Variants in BTNL8 observed in about 807,000 individuals in gnomAD.
BTNL8 encodes butyrophilin-like protein 8.
A neutral mutation model predicts 36.1 loss-of-function variants in BTNL8; 22 were observed. The ratio of observed to expected loss-of-function variants is 0.61; its 90% CI spans 0.44 to 0.87. BTNL8 has a LOEUF of 0.87. BTNL8 is among the 40% of genes least tolerant of loss of function. The pLI is 0.00. For synonymous variants in BTNL8, 203 were observed against 235.6 expected, an observed-to-expected ratio of 0.86 and a Z score of 1.27; for missense variants, 526 against 616.9, an observed-to-expected ratio of 0.85 and a Z score of 1.56.
intron 1 of BTNL8, among the ~76,000 whole-genome samples, chr5:180,904,178 G>T (rs1384014144): frequency 7.8e-6 from 1 of 128,474 alleles, no homozygotes; most frequent in Non-Finnish European, 1.7e-5. Context: ...TCTTCCATTT[G>T]TTTGTATCCT....
chr5:180,907,796 C>A lies in BTNL8; in HGVS notation c.50-790C>A, dbSNP rs924085131. ...CCCTGCCGTGTGAGGTGTCAGTGTGCCCCTGCTGGGGGGTGCCTCCCAGTT... is the reference window on the plus strand; with the variant it reads ...CCCTGCCGTGTGAGGTGTCAGTGTGACCCTGCTGGGGGGTGCCTCCCAGTT... On this transcript the variant is annotated intron_variant, in intron 1 of 7. Coordinates refer to ENST00000340184, the MANE Select transcript of BTNL8 (RefSeq NM_001040462.3). Among the ~76,000 whole-genome samples, 30 of 151,636 alleles carry A rather than the reference C, an allele frequency of 2.0e-4. No homozygotes were observed. In the East Asian group the frequency reaches 5.3e-3, roughly 27 times the overall value.
intron 3 of BTNL8, among the ~76,000 whole-genome samples, chr5:180,931,631 C>A (rs550134878): frequency 6.6e-6 from 1 of 151,944 alleles, no homozygotes; most frequent in African/African-American, 2.4e-5. Flanking sequence ...CAAACAATGC[C>A]ATCGAAAAGT....
At chr5:180,930,813 G>A (rs1366845199) in intron 3 of BTNL8, among the ~76,000 whole-genome samples, 1 of 152,090 alleles carries the variant, frequency 6.6e-6, no homozygotes, top group Non-Finnish European at 1.5e-5. Context: ...AATAAGAGAG[G>A]ACACAAACAA....
At chr5:180,925,584 A>T (rs550980087) in intron 3 of BTNL8, among the ~76,000 whole-genome samples, 1 of 152,324 alleles carries the variant, frequency 6.6e-6, no homozygotes, top group African/African-American at 2.4e-5. Flanking sequence ...GAGAAATAAA[A>T]TCTTTCCCAG....
chr5:180,939,387 A>T (rs1475588932), intron 3 of BTNL8, among the ~76,000 whole-genome samples: 1 of 152,204 alleles, frequency 6.6e-6, no homozygotes, highest in African/African-American at 2.4e-5. Context: ...AAGGAAAAAA[A>T]AACAAGCAAG....
chr5:180,946,603 G>A (rs1759261359), intron 3 of BTNL8, among the ~76,000 whole-genome samples: 1 of 152,182 alleles, frequency 6.6e-6, no homozygotes, highest in African/African-American at 2.4e-5. Context: ...ACCAGAGGCT[G>A]GGGCAGAGGG....
chr5:180,902,236 T>C (rs1756853078), intron 1 of BTNL8: 8 of 958,494 alleles, frequency 8.3e-6, no homozygotes, highest in Middle Eastern at 6.7e-4. Context: ...AATGTGGCAA[T>C]AGAACCTCCT....
Position 180,950,067 on chromosome 5 carries a change from C to T in BTNL8, c.1026C>T (p.Tyr342=). Residue 342 remains tyrosine, a synonymous_variant, in exon 8 of 8, where the codon TAC becomes TAT. Coordinates refer to ENST00000340184, the MANE Select transcript of BTNL8 (RefSeq NM_001040462.3). ...AGAGTTTCCAAGCAGGGAAACATTA[C>T]TGGGAGGTGGACGGAGGACACAATA... ...ASQSFQAGKH[Y]WEVDGGHNKR... is the part of the protein sequence containing the mutation. The T allele has an allele frequency of 6.2e-6, 9 of 1,462,652 alleles. 2 individuals carry two copies. Among genetic ancestry groups the T allele is most frequent in the Non-Finnish European group, 7.6e-6 (8 of 1,058,686 alleles). 90.6% of individuals were successfully genotyped at this position (1,462,652 alleles called of 1,614,324 possible).
rs1202580894 is a variant in BTNL8, at chr5:180,899,209, G to A, written c.-102G>A. The stretch of plus-strand genomic sequence containing the variant: ...CACGCAGAGCCTCTCCGTGGCTTCC[G>A]CACCTTGAGCATTAGGCCAGTTCTC... On this transcript the variant is annotated 5_prime_UTR_variant, in exon 1 of 8. Coordinates refer to ENST00000340184, the MANE Select transcript of BTNL8 (RefSeq NM_001040462.3). 2.2e-5 allele frequency: 31 copies of A among 1,425,966 alleles called. No individual in the cohort carries two copies. Among genetic ancestry groups the A allele is most frequent in the African/African-American group, 2.8e-5 (2 of 70,912 alleles). The allele number at this position is 1,425,966 out of a possible 1,614,324, so 88.3% of individuals were successfully genotyped here.
intron 1 of BTNL8, among the ~76,000 whole-genome samples, chr5:180,907,901 G>A (rs1757172129): frequency 6.6e-6 from 1 of 151,682 alleles, no homozygotes; most frequent in Non-Finnish European, 1.5e-5. Flanking sequence ...TGCGTGCTGG[G>A]AGAACCACTG....
In BTNL8 at chr5:180,911,275, C is replaced by T. The variant is rs1398315707; in HGVS notation, c.398-64C>T. On this transcript the variant is annotated intron_variant, in intron 2 of 7. Coordinates refer to ENST00000340184, the MANE Select transcript of BTNL8 (RefSeq NM_001040462.3). The stretch of plus-strand genomic sequence containing the variant: ...TGGGGGGTGGACTGAATGCACCTGA[C>T]TCAGAATTGCTGTGGCTTTGGGATG... The T allele has an allele frequency of 1.1e-5, 18 of 1,584,220 alleles. No individual in the cohort carries two copies. The Admixed American group carries it at 2.2e-4, about 20-fold the overall frequency.
rs1289160066 is a variant in BTNL8, at chr5:180,950,457, G to GC, written c.1417dup (p.Gln473ProfsTer13). 2.0e-6 allele frequency: 3 copies of GC among 1,463,508 alleles called. No homozygotes were observed. Among genetic ancestry groups the GC allele is most frequent in the African/African-American group, 2.8e-5 (2 of 72,556 alleles). 90.7% of individuals were successfully genotyped at this position (1,463,508 alleles called of 1,614,324 possible). A position where few individuals can be genotyped will look rare whatever the true frequency, so the allele number is the denominator to read the frequency against. On this transcript the variant is annotated frameshift_variant, in exon 8 of 8. Coordinates refer to ENST00000340184, the MANE Select transcript of BTNL8 (RefSeq NM_001040462.3). LOFTEE classifies it low-confidence loss of function (END_TRUNC). ...AGGAATCAGAGAAAGAGGCCTCTTG[G>GC]CAAAGGGCCTCTGCAATCCCAGAGA...
chr5:180,911,352 T>C lies in BTNL8; in HGVS notation c.411T>C (p.Val137=). The C allele has an allele frequency of 6.2e-7, 1 of 1,614,172 alleles. No individual in the cohort carries two copies. The highest frequency in any genetic ancestry group is 2.2e-5 in the East Asian group (1 of 44,890). ...WELQVSALGS[V]PLISITGYVD... is the part of the protein sequence containing the mutation. The stretch of plus-strand genomic sequence containing the variant: ...TTTTCTCCCCAGCACTGGGCTCAGT[T>C]CCTCTCATTTCCATCACGGGATATG... The change falls in exon 3 of 8, where the codon GTT becomes GTC. Residue 137 remains valine, a synonymous_variant. Transcript: ENST00000340184.
At chr5:180,918,199 C>T (rs1757729444) in intron 3 of BTNL8, among the ~76,000 whole-genome samples, 1 of 151,922 alleles carries the variant, frequency 6.6e-6, no homozygotes, top group Non-Finnish European at 1.5e-5. Flanking sequence ...AAATTACATG[C>T]CAATATCCCT....
chr5:180,913,508 C>A, intron 3 of BTNL8, among the ~76,000 whole-genome samples: 1 of 152,130 alleles, frequency 6.6e-6, no homozygotes, highest in East Asian at 1.9e-4. Context: ...TCTATACAGA[C>A]CAGAAATCCA....
rs1424836070 is a variant in BTNL8 at position 180,908,922 on chromosome 5, T to C, written c.386T>C (p.Leu129Pro). The C allele has an allele frequency of 2.5e-6, 4 of 1,612,480 alleles. No individual in the cohort carries two copies. Among genetic ancestry groups the C allele is most frequent in the Non-Finnish European group, 3.4e-6 (4 of 1,178,708 alleles). ...TACTACCAGAAGGCCATCTGGGAGC[T>C]ACAGGTGTCAGGTCAGTTTCATATT... ...QSYYQKAIWE[L>P]QVSALGSVPL... Residue 129 changes from leucine (L) to proline (P), a missense_variant, in exon 2 of 8, where the codon CTA becomes CCA. Transcript: ENST00000340184.
At chr5:180,902,015 A>T (rs1373655665) in intron 1 of BTNL8, among the ~76,000 whole-genome samples, 1 of 152,248 alleles carries the variant, frequency 6.6e-6, no homozygotes, top group East Asian at 1.9e-4. Flanking sequence ...CATGGGCAGA[A>T]ATGTAACATT....
chr5:180,932,480 G>A (rs150694950), intron 3 of BTNL8, among the ~76,000 whole-genome samples: 2,339 of 152,246 alleles, frequency 0.015, 68 homozygotes, highest in African/African-American at 0.053. Flanking sequence ...CCAAGTAGCT[G>A]GGACTACAGG....
chr5:180,942,568 G>A (rs1369900038), intron 3 of BTNL8, among the ~76,000 whole-genome samples: 1 of 152,134 alleles, frequency 6.6e-6, no homozygotes, highest in Non-Finnish European at 1.5e-5. Flanking sequence ...AGCCAAGACA[G>A]CGTGGTACTA....
Sources: gnomAD v4.1 joint callset for allele counts (sites outside exome capture counted in the v4.1 genomes callset) on GRCh38, gnomAD v4.1.1 for gene constraint, MANE v1.5 for transcripts, NCBI Gene and HGNC (gene_info 2026-07-23, HGNC 2026-07-21) for gene names.